MED12L: variants seen among roughly 807,000 people sequenced by gnomAD.
The protein encoded by MED12L is mediator complex subunit 12L, also known as mediator of RNA polymerase II transcription subunit 12-like protein.
MED12L carries 60 observed loss-of-function variants against 281.3 expected under a neutral mutation model. The ratio of observed to expected loss-of-function variants is 0.21; its 90% CI spans 0.17 to 0.26. The LOEUF (loss-of-function observed/expected upper bound fraction) is 0.26, where lower values mean the gene tolerates loss of function less well. Among genes scored for constraint, MED12L ranks in the 10% least tolerant of loss-of-function variants. The pLI is 1.00. For missense variants in MED12L, 2,146 were observed against 2,680.9 expected, an observed-to-expected ratio of 0.80 and a Z score of 4.41; for synonymous variants, 974 against 987.2, an observed-to-expected ratio of 0.99 and a Z score of 0.25.
At chr3:151,160,901 A>G (rs915156101) in intron 8 of MED12L, among the ~76,000 whole-genome samples, 1 of 152,228 alleles carries the variant, frequency 6.6e-6, no homozygotes, top group Non-Finnish European at 1.5e-5. Flanking sequence ...GAATGAGTTG[A>G]GAAAGATCAA....
Position 151,227,821 on chromosome 3 carries a change from A to G in MED12L, c.2250+34155A>G, listed in dbSNP as rs115544412. 2.9e-3 allele frequency among the ~76,000 whole-genome samples: 442 copies of G among 152,270 alleles called. 3 individuals carry two copies. Among genetic ancestry groups the G allele is most frequent in the African/African-American group, 0.01 (417 of 41,548 alleles). The stretch of plus-strand genomic sequence containing the variant: ...AGGGTTTCTCAGCCTTGGTACTGTT[A>G]ACTGTTTTTTTCGGTTTCAGTTCTT... On this transcript the variant is annotated intron_variant, in intron 16 of 44. Coordinates refer to ENST00000687756, the MANE Select transcript of MED12L (RefSeq NM_001393769.1).
intron 16 of MED12L, among the ~76,000 whole-genome samples, chr3:151,242,221 T>G (rs1029619390): frequency 1.3e-5 from 2 of 152,200 alleles, no homozygotes; most frequent in African/African-American, 4.8e-5. Flanking sequence ...TTGCCCAGGC[T>G]TGATTAGGTA....
chr3:151,416,288 A>G (rs762818511), intron 42 of MED12L, 24 bp from the exon 43 acceptor site: 3 of 1,612,622 alleles, frequency 1.9e-6, no homozygotes, highest in Middle Eastern at 2.1e-4. Flanking sequence ...TTTTAAGTGT[A>G]TAACATTTTT....
intron 16 of MED12L, chr3:151,219,665 C>G (rs771319338): frequency 1.3e-5 from 2 of 152,240 alleles, no homozygotes; most frequent in African/African-American, 4.8e-5. Context: ...AAACAAAAAA[C>G]CAAAGATTTA....
chr3:151,227,840 A>T (rs989196294), intron 16 of MED12L, among the ~76,000 whole-genome samples: 1 of 152,054 alleles, frequency 6.6e-6, no homozygotes, highest in Non-Finnish European at 1.5e-5. Flanking sequence ...TTTCGGTTTC[A>T]GTTCTTTGTG....
chr3:151,302,564 A>G (rs1477048938), intron 16 of MED12L, among the ~76,000 whole-genome samples: 1 of 152,176 alleles, frequency 6.6e-6, no homozygotes, highest in Non-Finnish European at 1.5e-5. Context: ...TGTTATTTCC[A>G]TTAATCTTTG....
intron 2 of MED12L, among the ~76,000 whole-genome samples, chr3:151,107,519 G>T (rs1041211624): frequency 6.6e-6 from 1 of 152,160 alleles, no homozygotes; most frequent in Admixed American, 6.5e-5. Context: ...GAAGGACGGG[G>T]AGCAGGCCTT....
chr3:151,294,130 A>T, intron 16 of MED12L: 1 of 1,179,538 alleles, frequency 8.5e-7, no homozygotes, highest in Non-Finnish European at 1.2e-6. Flanking sequence ...ACATTTATTT[A>T]CACTTTGTAC....
At chr3:151,156,111 T>C (rs1222938060) in intron 5 of MED12L, 50 bp from the exon 6 acceptor site, 1 of 1,456,174 alleles carries the variant, frequency 6.9e-7, no homozygotes, top group Non-Finnish European at 9.3e-7. Flanking sequence ...CATGTAATTC[T>C]TGTACCCATT....
chr3:151,233,647 C>G (rs900911827), intron 16 of MED12L, among the ~76,000 whole-genome samples: 4 of 152,168 alleles, frequency 2.6e-5, no homozygotes, highest in Non-Finnish European at 1.5e-5. Flanking sequence ...GCAGGAGAAT[C>G]ACTTGAACCC....
intron 4 of MED12L, among the ~76,000 whole-genome samples, chr3:151,126,616 G>A (rs1714567503): frequency 6.6e-6 from 1 of 152,160 alleles, no homozygotes; most frequent in African/African-American, 2.4e-5. Context: ...CAGTTAGCTG[G>A]TTTGAAGCCT....
chr3:151,168,713 T>G (rs139421162), intron 11 of MED12L, among the ~76,000 whole-genome samples: 18 of 152,350 alleles, frequency 1.2e-4, no homozygotes, highest in Admixed American at 3.3e-4. Flanking sequence ...TAAATTATTA[T>G]TAGTATTTTT....
intron 16 of MED12L, among the ~76,000 whole-genome samples, chr3:151,211,385 GT>G (rs377134569): frequency 2.9e-5 from 4 of 138,296 alleles, no homozygotes; most frequent in African/African-American, 1.1e-4. Context: ...TTTTTGTTTC[GT>G]TTTTGTTTTT....
At position 151,332,672 on chromosome 3, in the gene MED12L, A is replaced by G. The variant is rs565193688; in HGVS notation, c.2251-17387A>G. Among the ~76,000 whole-genome samples the G allele has an allele frequency of 5.3e-5, 8 of 152,336 alleles. No homozygotes were observed. In the South Asian group the frequency reaches 1.7e-3, roughly 32 times the overall value. On this transcript the variant is annotated intron_variant, in intron 16 of 44. Transcript: ENST00000687756. ...TACATACCAATATATGTGTACAAATATATTTACATTTATTTATGTATTGGA... is the reference window on the plus strand; with the variant it reads ...TACATACCAATATATGTGTACAAATGTATTTACATTTATTTATGTATTGGA...
chr3:151,257,320 T>C (rs886960114), intron 16 of MED12L, among the ~76,000 whole-genome samples: 2 of 152,252 alleles, frequency 1.3e-5, no homozygotes, highest in African/African-American at 4.8e-5. Flanking sequence ...TCTTAGACAG[T>C]TGAAACATTT....
chr3:151,103,977 T>C (rs929145407), intron 2 of MED12L, among the ~76,000 whole-genome samples: 1 of 152,212 alleles, frequency 6.6e-6, no homozygotes, highest in Non-Finnish European at 1.5e-5. Flanking sequence ...GAATGTGCTG[T>C]TTAAATGTGA....
Position 151,300,431 on chromosome 3 carries a change from C to T in MED12L, c.2251-49628C>T, listed in dbSNP as rs111782546. Among the ~76,000 whole-genome samples, 533 of 152,264 alleles carry T rather than the reference C, an allele frequency of 3.5e-3. 2 individuals are homozygous for T. Among genetic ancestry groups the T allele is most frequent in the Non-Finnish European group, 5.2e-3 (356 of 68,022 alleles). On this transcript the variant is annotated intron_variant, in intron 16 of 44. Transcript: ENST00000687756. ...TAACATTTCTGAGCTTTGCATTCTT[C>T]ACAACATCTTAATAAAGGTTAGCTG...
chr3:151,172,095 A>G (rs1406394524), intron 11 of MED12L, among the ~76,000 whole-genome samples: 1 of 152,194 alleles, frequency 6.6e-6, no homozygotes, highest in Non-Finnish European at 1.5e-5. Flanking sequence ...TCTTAGACGA[A>G]TGCTTAGATT....
chr3:151,153,923 T>C (rs1718919111), intron 5 of MED12L, among the ~76,000 whole-genome samples: 1 of 152,080 alleles, frequency 6.6e-6, no homozygotes, highest in South Asian at 2.1e-4. Context: ...CCAATTAAAT[T>C]AGAAACTGAT....
Sources: allele counts gnomAD v4.1 joint callset (sites outside exome capture counted in the v4.1 genomes callset), GRCh38; gene constraint gnomAD v4.1.1; transcripts MANE v1.5; gene names NCBI Gene and HGNC (gene_info 2026-07-23, HGNC 2026-07-21).